The following LRRC4C variants were observed in gnomAD, a reference collection of about 807,000 sequenced individuals.
LRRC4C encodes leucine rich repeat containing 4C.
A neutral mutation model predicts 33.6 loss-of-function variants in LRRC4C; 5 were observed. The observed-to-expected ratio is 0.15, with a 90% CI of 0.08 to 0.31. The LOEUF is 0.31. LRRC4C is among the 10% of genes least tolerant of loss of function. The probability of loss-of-function intolerance (pLI) is 1.00; values close to 1 mark genes in which losing one functional copy is unlikely to be tolerated. For missense variants in LRRC4C, 560 were observed against 796.7 expected, an observed-to-expected ratio of 0.70 and a Z score of 3.58; for synonymous variants, 329 against 302.0, an observed-to-expected ratio of 1.09 and a Z score of -0.93.
At chr11:40,728,948 A>T (rs1160644779) in intron 2 of LRRC4C, among the ~76,000 whole-genome samples, 1 of 130,014 alleles carries the variant, frequency 7.7e-6, no homozygotes, top group African/African-American at 2.9e-5. Flanking sequence ...CGACATTAAG[A>T]TGGAAAAAAT....
chr11:41,204,218 T>G (rs992210354), intron 1 of LRRC4C, among the ~76,000 whole-genome samples: 1 of 152,196 alleles, frequency 6.6e-6, no homozygotes, highest in Non-Finnish European at 1.5e-5. Flanking sequence ...GGAATTAAGA[T>G]TATCCACACA....
At chr11:40,450,775 TAAA>T (rs768633791) in intron 3 of LRRC4C, among the ~76,000 whole-genome samples, 5 of 129,114 alleles carry the variant, frequency 3.9e-5, no homozygotes, top group Admixed American at 7.8e-5. Flanking sequence ...CCCTGAAAAT[TAAA>T]AAAAAAAAAA....
rs1334029938 is a variant in LRRC4C, at chr11:40,984,846, C to T, written c.-495-51123G>A. 2.8e-5 allele frequency among the ~76,000 whole-genome samples: 4 copies of T among 144,842 alleles called. No individual in the cohort carries two copies. In the East Asian group the frequency reaches 8.2e-4, roughly 30 times the overall value. On this transcript the variant is annotated intron_variant, in intron 1 of 6. Transcript: ENST00000528697. ...TGATTGGTATAAAAAAAACTTCTGACTTAAAGACCACATCACATTATCACG... is the reference window on the plus strand; with the variant it reads ...TGATTGGTATAAAAAAAACTTCTGATTTAAAGACCACATCACATTATCACG...
intron 2 of LRRC4C, among the ~76,000 whole-genome samples, chr11:40,712,063 G>C (rs1336433807): frequency 1.3e-5 from 2 of 152,116 alleles, no homozygotes; most frequent in African/African-American, 4.8e-5. Context: ...GAGGGCTAAA[G>C]GCAAGGATAC....
intron 4 of LRRC4C, among the ~76,000 whole-genome samples, chr11:40,262,528 C>T (rs1007739020): frequency 6.6e-6 from 1 of 152,112 alleles, no homozygotes; most frequent in Non-Finnish European, 1.5e-5. Context: ...AAGCCACGTG[C>T]CCACGTATGT....
intron 1 of LRRC4C, among the ~76,000 whole-genome samples, chr11:41,209,008 A>G (rs1304128382): frequency 6.6e-6 from 1 of 151,998 alleles, no homozygotes; most frequent in African/African-American, 2.4e-5. Flanking sequence ...TCAAGCCTTA[A>G]GAGCAAACGA....
At chr11:41,228,743 T>C (rs976159342) in intron 1 of LRRC4C, among the ~76,000 whole-genome samples, 2 of 152,178 alleles carry the variant, frequency 1.3e-5, no homozygotes, top group Admixed American at 6.5e-5. Flanking sequence ...GTATGTCATT[T>C]TATTTGTCTT....
intron 1 of LRRC4C, among the ~76,000 whole-genome samples, chr11:41,127,377 A>G (rs1316441652): frequency 1.3e-5 from 2 of 151,966 alleles, no homozygotes; most frequent in African/African-American, 4.8e-5. Context: ...CATCTGCTGA[A>G]GAAATCTATT....
intron 3 of LRRC4C, among the ~76,000 whole-genome samples, chr11:40,573,939 G>A (rs187120360): frequency 6.6e-6 from 1 of 152,118 alleles, no homozygotes; most frequent in Non-Finnish European, 1.5e-5. Flanking sequence ...GCTCAGCAGA[G>A]TGGCTACTGT....
chr11:40,850,891 G>A (rs114868018), intron 2 of LRRC4C, among the ~76,000 whole-genome samples: 3,047 of 152,134 alleles, frequency 0.02, 96 homozygotes, highest in African/African-American at 0.066. Flanking sequence ...GGTGGGCTCC[G>A]CCCAGTCCAA....
At chr11:41,378,556 T>A (rs532938882) in intron 1 of LRRC4C, among the ~76,000 whole-genome samples, 3 of 152,278 alleles carry the variant, frequency 2.0e-5, no homozygotes, top group South Asian at 2.1e-4. Flanking sequence ...GAAATATCCA[T>A]GCGGTATGCT....
chr11:41,193,403 T>C (rs1289210813), intron 1 of LRRC4C, among the ~76,000 whole-genome samples: 2 of 152,034 alleles, frequency 1.3e-5, no homozygotes, highest in African/African-American at 4.8e-5. Flanking sequence ...TTGTCAACAC[T>C]ATGGAAGATA....
At chr11:40,534,781 A>G (rs774645971) in intron 3 of LRRC4C, among the ~76,000 whole-genome samples, 8 of 152,182 alleles carry the variant, frequency 5.3e-5, no homozygotes, top group Non-Finnish European at 1.5e-5. Context: ...TTTAGGGCAA[A>G]TTGTCCATTA....
Position 41,026,958 on chromosome 11 carries a change from A to C in LRRC4C, c.-495-93235T>G, listed in dbSNP as rs183246297. Among the ~76,000 whole-genome samples the C allele has an allele frequency of 3.3e-5, 5 of 151,762 alleles. No homozygotes were observed. The East Asian group carries it at 9.7e-4, about 29-fold the overall frequency. ...TTTATTAAGATACTTCCTTTATTGC[A>C]ATGTTCTGGAACCAAACGCACACTC... is the stretch of plus-strand genomic sequence containing the variant. On this transcript the variant is annotated intron_variant, in intron 1 of 6. Transcript: ENST00000528697.
intron 1 of LRRC4C, among the ~76,000 whole-genome samples, chr11:41,318,773 C>A (rs1206607404): frequency 2.0e-5 from 3 of 152,094 alleles, no homozygotes; most frequent in Non-Finnish European, 2.9e-5. Flanking sequence ...ATTTCACTAA[C>A]CTCTCCTTTT....
chr11:41,012,393 T>C (rs532106441), intron 1 of LRRC4C, among the ~76,000 whole-genome samples: 1 of 152,186 alleles, frequency 6.6e-6, no homozygotes, highest in African/African-American at 2.4e-5. Context: ...TCCATCCATG[T>C]TGCAGAAAAT....
chr11:40,216,024 G>A (rs930742), intron 5 of LRRC4C, among the ~76,000 whole-genome samples: 122,945 of 152,082 alleles, frequency 0.81, 50,982 homozygotes, highest in East Asian at 0.96. Flanking sequence ...TGTATTTTTT[G>A]TGAATCAGTA....
chr11:40,987,905 G>A (rs1267274749), intron 1 of LRRC4C, among the ~76,000 whole-genome samples: 1 of 151,834 alleles, frequency 6.6e-6, no homozygotes, highest in Non-Finnish European at 1.5e-5. Flanking sequence ...TTTTCTCAGT[G>A]AGCAAATTAA....
intron 2 of LRRC4C, among the ~76,000 whole-genome samples, chr11:40,871,063 G>A (rs900598530): frequency 6.6e-6 from 1 of 152,062 alleles, no homozygotes; most frequent in African/African-American, 2.4e-5. Flanking sequence ...CCAGTCTCCC[G>A]TAGTGCTCCC....
Sources: allele counts gnomAD v4.1 joint callset (sites outside exome capture counted in the v4.1 genomes callset), GRCh38; gene constraint gnomAD v4.1.1; transcripts MANE v1.5; gene names NCBI Gene and HGNC (gene_info 2026-07-23, HGNC 2026-07-21).